P2RY12: variants seen among roughly 807,000 people sequenced by gnomAD.
The protein encoded by P2RY12 is purinergic receptor P2Y12, also known as P2Y purinoceptor 12.
A neutral mutation model predicts 4.5 loss-of-function variants in P2RY12; 3 were observed. The ratio of observed to expected loss-of-function variants is 0.67; its 90% CI spans 0.31 to 1.74. The LOEUF is 1.74. P2RY12 is among the 40% of genes most tolerant of loss of function. The pLI is 0.09. For missense variants in P2RY12, 356 were observed against 407.8 expected (o/e 0.87, Z 1.09); for synonymous variants, 148 against 154.1 (o/e 0.96, Z 0.29).
At position 151,373,745 on chromosome 3, in the gene P2RY12, A is replaced by C. The variant is rs148840436; in HGVS notation, c.-180+10947T>G. 1.2e-4 allele frequency among the ~76,000 whole-genome samples: 18 copies of C among 152,232 alleles called. No homozygotes were observed. In the East Asian group the frequency reaches 2.7e-3, roughly 23 times the overall value. Reference sequence around the variant, plus strand: ...GCAGTAGGAATCTATTCATCCTATCACATCATTTGACATTTTAAAAATAGT... The same window carrying C: ...GCAGTAGGAATCTATTCATCCTATCCCATCATTTGACATTTTAAAAATAGT... On this transcript the variant is annotated intron_variant, in intron 1 of 2. Transcript: ENST00000302632.
intron 1 of P2RY12, chr3:151,367,866 T>C (rs1755475883): frequency 7.4e-7 from 1 of 1,356,698 alleles, no homozygotes; most frequent in Non-Finnish European, 1.0e-6. Context: ...TGAGGGTATG[T>C]ATATTGGGAA....
intron 1 of P2RY12, among the ~76,000 whole-genome samples, chr3:151,343,216 A>G (rs1752094389): frequency 6.6e-6 from 1 of 152,182 alleles, no homozygotes; most frequent in Non-Finnish European, 1.5e-5. Flanking sequence ...TGCTTTTTCT[A>G]AGACCATCAA....
rs768221380 is a variant in P2RY12 at position 151,376,111 on chromosome 3, T to C, written c.-180+8581A>G. 39 of 1,612,098 alleles carry C rather than the reference T, an allele frequency of 2.4e-5. No homozygotes were observed. Among genetic ancestry groups the C allele is most frequent in the Non-Finnish European group, 3.1e-5 (37 of 1,179,338 alleles). On this transcript the variant is annotated intron_variant, in intron 1 of 2. Transcript: ENST00000302632. ...ATATTGGACCCTGTGCTTTCAAATA[T>C]GCAAGCACAGAAATTACTGCAGCTT...
intron 1 of P2RY12, among the ~76,000 whole-genome samples, chr3:151,363,477 A>T (rs1026307889): frequency 2.0e-5 from 3 of 152,144 alleles, no homozygotes; most frequent in Admixed American, 1.3e-4. Flanking sequence ...TCTACCACTG[A>T]TTGAGCTACT....
intron 1 of P2RY12, among the ~76,000 whole-genome samples, chr3:151,348,000 A>G (rs990488059): frequency 6.6e-6 from 1 of 152,102 alleles, no homozygotes; most frequent in Non-Finnish European, 1.5e-5. Context: ...TCTTTCTAGG[A>G]TGCTTTCCTT....
intron 1 of P2RY12, among the ~76,000 whole-genome samples, chr3:151,349,530 C>A (rs1420029276): frequency 6.6e-6 from 1 of 152,178 alleles, no homozygotes; most frequent in Non-Finnish European, 1.5e-5. Context: ...GAGATCCTCC[C>A]ACCTTGGCCT....
rs188961581 is a variant in P2RY12, at chr3:151,370,809, A to C, written c.-180+13883T>G. ...AATTATGTTGGAAGTGTGAATCTAT[A>C]AATGACAAATATGCTAATGGCAGAA... is the stretch of plus-strand genomic sequence containing the variant. On this transcript the variant is annotated intron_variant, in intron 1 of 2. Transcript: ENST00000302632. Among the ~76,000 whole-genome samples the C allele has an allele frequency of 8.5e-5, 13 of 152,350 alleles. No homozygotes were observed. In the East Asian group the frequency reaches 1.5e-3, roughly 18 times the overall value.
intron 1 of P2RY12, chr3:151,383,712 C>A: frequency 1.0e-6 from 1 of 980,656 alleles, no homozygotes. Context: ...AATTTGATAA[C>A]ATAAAGCAAT....
rs755855951 is a variant in P2RY12 at position 151,367,708 on chromosome 3, G to C, written c.-180+16984C>G. ...TCATTGCTATTCTGATAGCACGACA[G>C]TGTTTTTCCCTGGAGGACGTCGTGC... is the stretch of plus-strand genomic sequence containing the variant. On this transcript the variant is annotated intron_variant, in intron 1 of 2. Coordinates refer to ENST00000302632, the MANE Select transcript of P2RY12 (RefSeq NM_022788.5). 4 of 1,611,702 alleles carry C rather than the reference G, an allele frequency of 2.5e-6. No homozygotes were observed. The highest frequency in any genetic ancestry group is 3.4e-6 in the Non-Finnish European group (4 of 1,178,528).
chr3:151,384,137 A>G lies in P2RY12; in HGVS notation c.-180+555T>C, dbSNP rs778007102. Reference sequence around the variant, plus strand: ...TGGGTGTTTTAATCAATGGAACGTTAGCCTCTGACCTATCAAATGCATCCC... The same window carrying G: ...TGGGTGTTTTAATCAATGGAACGTTGGCCTCTGACCTATCAAATGCATCCC... On this transcript the variant is annotated intron_variant, in intron 1 of 2. Coordinates refer to ENST00000302632, the MANE Select transcript of P2RY12 (RefSeq NM_022788.5). The G allele has an allele frequency of 3.1e-6, 5 of 1,614,072 alleles. No individual in the cohort carries two copies. In the South Asian group the frequency reaches 4.4e-5, roughly 14 times the overall value.
intron 1 of P2RY12, among the ~76,000 whole-genome samples, chr3:151,378,938 G>A (rs537140845): frequency 1.3e-5 from 2 of 152,290 alleles, no homozygotes; most frequent in East Asian, 1.9e-4. Flanking sequence ...TAGCAATCAT[G>A]TGGTAGGTAC....
intron 1 of P2RY12, chr3:151,379,961 T>A: frequency 3.8e-6 from 2 of 529,866 alleles, no homozygotes; most frequent in Non-Finnish European, 6.6e-6. Context: ...TTTAATTTTA[T>A]AAGTAGAGGT....
intron 1 of P2RY12, chr3:151,366,061 C>G: frequency 7.7e-7 from 1 of 1,292,344 alleles, no homozygotes; most frequent in South Asian, 2.3e-5. Flanking sequence ...AATCTTTTTG[C>G]TTTTGGCTTT....
In P2RY12 at chr3:151,337,472, T is replaced by C. The variant is rs984434693; in HGVS notation, c.*345A>G. ...CTTAGTTGATTATGAAAAAATAAAA[T>C]TGTGAACGATAATGTATTTTAAAAA... On this transcript the variant is annotated 3_prime_UTR_variant, in exon 3 of 3. Coordinates refer to ENST00000302632, the MANE Select transcript of P2RY12 (RefSeq NM_022788.5). 2 of 221,588 alleles carry C rather than the reference T, an allele frequency of 9.0e-6. No individual in the cohort carries two copies. Among genetic ancestry groups the C allele is most frequent in the African/African-American group, 4.7e-5 (2 of 42,496 alleles). 13.7% of individuals were successfully genotyped at this position (221,588 alleles called of 1,614,324 possible). A position where few individuals can be genotyped will look rare whatever the true frequency, so the allele number is the denominator to read the frequency against.
intron 1 of P2RY12, among the ~76,000 whole-genome samples, chr3:151,369,811 A>G (rs1358718469): frequency 6.6e-6 from 1 of 152,154 alleles, no homozygotes; most frequent in Non-Finnish European, 1.5e-5. Flanking sequence ...TTCTGATGTA[A>G]AATAGGTCCT....
intron 1 of P2RY12, among the ~76,000 whole-genome samples, chr3:151,374,892 GT>G (rs1372607817): frequency 6.6e-6 from 1 of 151,720 alleles, no homozygotes; most frequent in Non-Finnish European, 1.5e-5. Context: ...TTATTTTTTG[GT>G]TTATTCTCCC....
In P2RY12 at chr3:151,360,560, A is replaced by G; in HGVS notation, c.-179-19800T>C. The G allele has an allele frequency of 2.5e-6, 4 of 1,612,796 alleles. No homozygotes were observed. Among genetic ancestry groups the G allele is most frequent in the Non-Finnish European group, 3.4e-6 (4 of 1,179,050 alleles). On this transcript the variant is annotated intron_variant, in intron 1 of 2. Transcript: ENST00000302632. ...ATTTTAGCCTACCTCTATGATCTCTATGTGTCATGTAGCCACCTCAGAAGT... is the reference window on the plus strand; with the variant it reads ...ATTTTAGCCTACCTCTATGATCTCTGTGTGTCATGTAGCCACCTCAGAAGT...
At position 151,375,866 on chromosome 3, in the gene P2RY12, T is replaced by C. The variant is rs149580537; in HGVS notation, c.-180+8826A>G. ...TTAGAAGCCAAAATGCTAAAAATTT[T>C]GTTTTTTAAAATTTTTCTACCTACT... On this transcript the variant is annotated intron_variant, in intron 1 of 2. Coordinates refer to ENST00000302632, the MANE Select transcript of P2RY12 (RefSeq NM_022788.5). Among the ~76,000 whole-genome samples the C allele has an allele frequency of 2.5e-3, 388 of 152,250 alleles. 9 individuals carry two copies. The East Asian group carries it at 0.057, about 22-fold the overall frequency.
chr3:151,377,295 G>T, intron 1 of P2RY12: 2 of 754,712 alleles, frequency 2.7e-6, no homozygotes, highest in East Asian at 5.4e-5. Context: ...ATAGTTACTT[G>T]TAAGCAGGGA....
Sources: allele counts gnomAD v4.1 joint callset (sites outside exome capture counted in the v4.1 genomes callset), GRCh38; gene constraint gnomAD v4.1.1; transcripts MANE v1.5; gene names NCBI Gene and HGNC (gene_info 2026-07-23, HGNC 2026-07-21).